Variants in GAD1 observed in about 807,000 individuals in gnomAD.
The protein encoded by GAD1 is 67 kDa glutamic acid decarboxylase.
A neutral mutation model predicts 75.2 loss-of-function variants in GAD1; 35 were observed. The ratio of observed to expected loss-of-function variants is 0.47; its 90% CI spans 0.36 to 0.62. GAD1 has a LOEUF of 0.62. Ranked by LOEUF, GAD1 falls within the 20% of genes least tolerant of loss-of-function variation. The pLI is 0.00. For synonymous variants in GAD1, 257 were observed against 271.9 expected (o/e 0.95, Z 0.54); for missense variants, 490 against 758.5 (o/e 0.65, Z 4.16).
chr2:170,838,037 A>G (rs537254347), intron 6 of GAD1, among the ~76,000 whole-genome samples: 1 of 152,354 alleles, frequency 6.6e-6, no homozygotes, highest in African/African-American at 2.4e-5. Context: ...ACTTAACTAT[A>G]TTCAGAAAAG....
chr2:170,829,193 C>T (rs1368436875), intron 3 of GAD1: 1 of 471,274 alleles, frequency 2.1e-6, no homozygotes, highest in Non-Finnish European at 3.9e-6. Context: ...GTCCAACTTA[C>T]TTAATTGTGA....
At position 170,818,373 on chromosome 2, in the gene GAD1, T is replaced by A; in HGVS notation, c.-63-156T>A. On this transcript the variant is annotated intron_variant, in intron 1 of 16. Coordinates refer to ENST00000358196, the MANE Select transcript of GAD1 (RefSeq NM_000817.3). The surrounding 1 kb of genome is among the most constrained non-coding windows in gnomAD (Gnocchi z 5.9). ...ACGTCTCCTCCGCTGCCCCCACCCC[T>A]GCGCACCCCTACCAGGCAGGCTCGC... 1.7e-6 allele frequency: 1 copy of A among 588,874 alleles called. No homozygotes were observed. The highest frequency in any genetic ancestry group is 3.1e-6 in the Non-Finnish European group (1 of 326,344). 36.5% of individuals were successfully genotyped at this position (588,874 alleles called of 1,614,324 possible).
chr2:170,847,653 C>T lies in GAD1; in HGVS notation c.1003-23C>T, dbSNP rs1401451652. 4.2e-6 allele frequency: 6 copies of T among 1,430,080 alleles called. No individual in the cohort carries two copies. The African/African-American group carries it at 8.4e-5, about 20-fold the overall frequency. The allele number at this position is 1,430,080 out of a possible 1,614,324, so 88.6% of individuals were successfully genotyped here. The stretch of plus-strand genomic sequence containing the variant: ...GAGAAAGGTTAAAAATACTCATCAG[C>T]CTATATCTGTCTTACCTTGTAGGGA... On this transcript the variant is annotated intron_variant, in intron 10 of 16. Transcript: ENST00000358196.
chr2:170,831,602 G>GTC (rs1702226535), intron 5 of GAD1, among the ~76,000 whole-genome samples: 2 of 139,818 alleles, frequency 1.4e-5, no homozygotes, highest in African/African-American at 5.5e-5. Context: ...ATATGTGTGT[G>GTC]TGTGTGTGTG....
In GAD1 at chr2:170,833,809, A is replaced by G. The variant is rs1702300654; in HGVS notation, c.547+2617A>G. On this transcript the variant is annotated intron_variant, in intron 5 of 16. Coordinates refer to ENST00000358196, the MANE Select transcript of GAD1 (RefSeq NM_000817.3). ...GATCACGCGAGCTCAGGAGTTCAAG[A>G]CTAACCTGGGCAAAACCCCATCTCT... Among the ~76,000 whole-genome samples, 4 of 83,786 alleles carry G rather than the reference A, an allele frequency of 4.8e-5. No individual in the cohort carries two copies. The South Asian group carries it at 1.3e-3, about 27-fold the overall frequency. 55.0% of individuals were successfully genotyped at this position (83,786 alleles called of 152,430 possible).
At chr2:170,849,899 A>G (rs1702713148) in intron 12 of GAD1, among the ~76,000 whole-genome samples, 1 of 152,248 alleles carries the variant, frequency 6.6e-6, no homozygotes, top group African/African-American at 2.4e-5. Flanking sequence ...GCTTACTTCC[A>G]GAAAGGGCAG....
At chr2:170,832,737 T>A (rs1388793979) in intron 5 of GAD1, among the ~76,000 whole-genome samples, 1 of 151,856 alleles carries the variant, frequency 6.6e-6, no homozygotes, top group Non-Finnish European at 1.5e-5. Context: ...TTCTGGAACT[T>A]AGGACACTCT....
intron 7 of GAD1, among the ~76,000 whole-genome samples, chr2:170,844,591 G>C (rs1575441220): frequency 6.6e-6 from 1 of 151,802 alleles, no homozygotes; most frequent in East Asian, 1.9e-4. Context: ...AATTTCTTTT[G>C]TAGAAACAAG....
chr2:170,813,913 G>A (rs1701653486), upstream of GAD1, among the ~76,000 whole-genome samples: 1 of 151,998 alleles, frequency 6.6e-6, no homozygotes. Flanking sequence ...GTCGCATATC[G>A]CCCCCTCCTT....
chr2:170,848,492 G>A (rs1219595942), intron 11 of GAD1, among the ~76,000 whole-genome samples: 1 of 135,464 alleles, frequency 7.4e-6, no homozygotes, highest in African/African-American at 2.8e-5. Flanking sequence ...GCAAAACTCT[G>A]TCTCAAAAAA....
Position 170,845,602 on chromosome 2 carries a change from T to G in GAD1, c.848T>G (p.Val283Gly), listed in dbSNP as rs1475414595. 1.2e-6 allele frequency: 2 copies of G among 1,614,118 alleles called. No individual in the cohort carries two copies. The highest frequency in any genetic ancestry group is 1.3e-5 in the African/African-American group (1 of 75,030). The change falls in exon 8 of 17, where the codon GTC becomes GGC. Residue 283 changes from valine (V) to glycine (G), a missense_variant. By Grantham distance (109) the Val-to-Gly change is moderately radical. Transcript: ENST00000358196. The stretch of plus-strand genomic sequence containing the variant: ...GGCATGGCGGCTGTGCCTAAACTGG[T>G]CCTCTTCACCTCAGAACAGGTGAGT... ...TKGMAAVPKL[V>G]LFTSEQSHYS... is the part of the protein sequence containing the mutation.
In GAD1 at chr2:170,845,544, C is replaced by G; in HGVS notation, c.790C>G (p.Arg264Gly). 1 of 1,614,050 alleles carries G rather than the reference C, an allele frequency of 6.2e-7. No homozygotes were observed. The highest frequency in any genetic ancestry group is 8.5e-7 in the Non-Finnish European group (1 of 1,180,020). Reference sequence around the variant, plus strand: ...CAACATGTACAGCATCATGGCTGCTCGCTACAAGTACTTCCCGGAAGTTAA... The same window carrying G: ...CAACATGTACAGCATCATGGCTGCTGGCTACAAGTACTTCCCGGAAGTTAA... The part of the protein sequence containing the change: ...ISNMYSIMAA[R>G]YKYFPEVKTK... Residue 264 changes from arginine (R) to glycine (G), a missense_variant, in exon 8 of 17, where the codon CGC becomes GGC. By Grantham distance (125) the Arg-to-Gly change is moderately radical. Around this residue, in one of 3 missense-constraint regions of GAD1, gnomAD observed 324 missense variants for 523.9 expected, o/e 0.62. Coordinates refer to ENST00000358196, the MANE Select transcript of GAD1 (RefSeq NM_000817.3).
Position 170,847,600 on chromosome 2 carries a change from A to T in GAD1, c.1003-76A>T, listed in dbSNP as rs1265946216. 3 of 982,350 alleles carry T rather than the reference A, an allele frequency of 3.1e-6. No homozygotes were observed. The Admixed American group carries it at 5.1e-5, about 17-fold the overall frequency. The allele number at this position is 982,350 out of a possible 1,614,324, so 60.9% of individuals were successfully genotyped here. ...TACTGTTAGAAATAAATGTTACACA[A>T]TTCTTCTTCCTGTGAAAATCAGCAA... On this transcript the variant is annotated intron_variant, in intron 10 of 16. Transcript: ENST00000358196.
intron 6 of GAD1, chr2:170,842,536 C>T: frequency 6.2e-7 from 1 of 1,605,102 alleles, no homozygotes; most frequent in East Asian, 2.2e-5. Flanking sequence ...ACAGGCTAAA[C>T]CAGGAATCCT....
At chr2:170,857,270 C>T (rs1702872852) in intron 15 of GAD1, 145 bp downstream of exon 15, 1 of 648,250 alleles carries the variant, frequency 1.5e-6, no homozygotes. Context: ...CTCTTAATTC[C>T]TCTCTTTAAT....
At chr2:170,823,897 C>T (rs1174626706) in intron 3 of GAD1, among the ~76,000 whole-genome samples, 1 of 152,172 alleles carries the variant, frequency 6.6e-6, no homozygotes, top group Non-Finnish European at 1.5e-5. Flanking sequence ...CCCATCCTGC[C>T]CCCTGCTGTC....
chr2:170,860,872 GCTCT>G lies in GAD1; in HGVS notation c.*993_*996del, dbSNP rs149493346. 9.2e-4 allele frequency: 140 copies of G among 152,588 alleles called. No individual in the cohort carries two copies. The highest frequency in any genetic ancestry group is 3.1e-3 in the African/African-American group (128 of 41,496). The allele number at this position is 152,588 out of a possible 1,614,324, so 9.5% of individuals were successfully genotyped here. A position where few individuals can be genotyped will look rare whatever the true frequency, so the allele number is the denominator to read the frequency against. On this transcript the variant is annotated 3_prime_UTR_variant, in exon 17 of 17. Transcript: ENST00000358196. ...TAAATAGCATCTGCTCTTCTCTTAC[GCTCT>G]CTGTCTGGCTGTACGTCTGGTGTTC...
chr2:170,844,055 G>T lies in GAD1; in HGVS notation c.649G>T (p.Glu217Ter). Residue 217 changes from glutamate to a stop codon, truncating the protein, a stop_gained, in exon 7 of 17, where the codon GAA becomes TAA. Coordinates refer to ENST00000358196, the MANE Select transcript of GAD1 (RefSeq NM_000817.3). LOFTEE classifies it high-confidence loss of function. ...TTACCACCTTTCCAGGTTTACATATGAAATTGCACCAGTGTTTGTCCTCAT... is the reference window on the plus strand; with the variant it reads ...TTACCACCTTTCCAGGTTTACATATTAAATTGCACCAGTGTTTGTCCTCAT... ...STANTNMFTYEIAPVFVLMEQ... is the reference protein window; with the variant it reads ...STANTNMFTY 1 of 1,585,002 alleles carries T rather than the reference G, an allele frequency of 6.3e-7. No individual in the cohort carries two copies. Among genetic ancestry groups the T allele is most frequent in the South Asian group, 1.1e-5 (1 of 90,496 alleles).
chr2:170,829,635 T>G lies in GAD1; in HGVS notation c.304+2T>G. The G allele has an allele frequency of 6.2e-7, 1 of 1,612,728 alleles. No individual in the cohort carries two copies. Among genetic ancestry groups the G allele is most frequent in the South Asian group, 1.1e-5 (1 of 91,048 alleles). ...ACTTCTCTAATCTGTTTGCTAGAGG[T>G]AGCCCCTGCCCCACTCCCGCCCCAT... On this transcript the variant is annotated splice_donor_variant, in intron 4 of 16. Transcript: ENST00000358196. LOFTEE classifies it high-confidence loss of function.
Sources: allele counts gnomAD v4.1 joint callset (sites outside exome capture counted in the v4.1 genomes callset), GRCh38; gene constraint gnomAD v4.1.1; regional missense constraint gnomAD v4.1.1; non-coding constraint Gnocchi (gnomAD v3.1); transcripts MANE v1.5; gene names NCBI Gene and HGNC (gene_info 2026-07-23, HGNC 2026-07-21).